RBL1: variants seen among roughly 807,000 people sequenced by gnomAD.
RBL1 encodes RB transcriptional corepressor like 1.
A neutral mutation model predicts 123.0 loss-of-function variants in RBL1; 82 were observed. The observed-to-expected ratio is 0.67, with a 90% confidence interval of 0.56 to 0.80. The LOEUF is 0.80. Among genes scored for constraint, RBL1 ranks in the 30% least tolerant of loss-of-function variants. RBL1 has a pLI of 0.00. For synonymous variants in RBL1, 405 were observed against 441.3 expected (o/e 0.92, Z 1.03); for missense variants, 1,171 against 1,299.6 (o/e 0.90, Z 1.52).
chr20:37,010,798 A>G (rs1248847990), intron 19 of RBL1, among the ~76,000 whole-genome samples: 2 of 152,126 alleles, frequency 1.3e-5, no homozygotes, highest in Non-Finnish European at 1.5e-5. Flanking sequence ...GTCCACACAT[A>G]CATACATATA....
Position 37,011,954 on chromosome 20 carries a change from T to A in RBL1, c.2723-4395A>T, listed in dbSNP as rs375909437. ...GAAGCTGGACTGTACTGCTGCCATC[T>A]CGGCTCACTGCAACCTCCCTGCCTC... On this transcript the variant is annotated intron_variant, in intron 19 of 21. Transcript: ENST00000373664. Among the ~76,000 whole-genome samples the A allele has an allele frequency of 3.2e-3, 491 of 152,332 alleles. 7 individuals are homozygous for A. The highest frequency in any genetic ancestry group is 0.011 in the African/African-American group (477 of 41,590).
chr20:37,047,642 T>C (rs2064837805), intron 11 of RBL1, among the ~76,000 whole-genome samples: 1 of 152,158 alleles, frequency 6.6e-6, no homozygotes, highest in Non-Finnish European at 1.5e-5. Context: ...AATATAAGTT[T>C]TCAGTTTTAA....
rs940636194 is a variant in RBL1 at position 37,036,774 on chromosome 20, C to T, written c.1904-1266G>A. Among the ~76,000 whole-genome samples the T allele has an allele frequency of 4.0e-5, 6 of 151,208 alleles. No individual in the cohort carries two copies. The South Asian group carries it at 6.3e-4, about 16-fold the overall frequency. ...CTGAGTAGCTGGAACTACAGGCAAC[C>T]GCCACCATGCCCGGCTAATTTTTTG... is the stretch of plus-strand genomic sequence containing the variant. On this transcript the variant is annotated intron_variant, in intron 14 of 21. Coordinates refer to ENST00000373664, the MANE Select transcript of RBL1 (RefSeq NM_002895.5).
chr20:37,065,862 C>T (rs1419284842), intron 6 of RBL1, among the ~76,000 whole-genome samples: 1 of 152,158 alleles, frequency 6.6e-6, no homozygotes, highest in African/African-American at 2.4e-5. Context: ...AATCCACCTG[C>T]CTTGGCCTCC....
rs372680007 is a variant in RBL1, at chr20:37,039,275, T to C, written c.1903+878A>G. On this transcript the variant is annotated intron_variant, in intron 14 of 21. Coordinates refer to ENST00000373664, the MANE Select transcript of RBL1 (RefSeq NM_002895.5). ...TACAAATTTTATTTTGCTTTAAATG[T>C]TTTTCTACAGAGACATACACAGGCA... Among the ~76,000 whole-genome samples, 16 of 152,138 alleles carry C rather than the reference T, an allele frequency of 1.1e-4. No homozygotes were observed. The East Asian group carries it at 1.7e-3, about 17-fold the overall frequency.
In RBL1 at chr20:37,032,867, T is replaced by C. The variant is rs1291735852; in HGVS notation, c.2180A>G (p.Asn727Ser). The C allele has an allele frequency of 1.2e-6, 2 of 1,613,748 alleles. No homozygotes were observed. The highest frequency in any genetic ancestry group is 2.2e-5 in the East Asian group (1 of 44,852). The change falls in exon 16 of 22, where the codon AAT becomes AGT. Residue 727 changes from asparagine (N) to serine (S), a missense_variant. Physicochemically the swap from Asn to Ser is conservative, Grantham distance 46. Coordinates refer to ENST00000373664, the MANE Select transcript of RBL1 (RefSeq NM_002895.5). ...KVTIPLHGVA[N>S]DAGEITLIPL... Reference sequence around the variant, plus strand: ...TATCAGTGTGATCTCTCCAGCATCATTTGCGACACCTGAATGTATAAGCAT... The same window carrying C: ...TATCAGTGTGATCTCTCCAGCATCACTTGCGACACCTGAATGTATAAGCAT...
chr20:37,081,580 C>A (rs1261625476), intron 2 of RBL1, among the ~76,000 whole-genome samples: 1 of 151,988 alleles, frequency 6.6e-6, no homozygotes, highest in Non-Finnish European at 1.5e-5. Context: ...ACAGCTTGAC[C>A]CCCCCAAGTT....
intron 14 of RBL1, among the ~76,000 whole-genome samples, chr20:37,039,383 T>A (rs1248376665): frequency 6.6e-6 from 1 of 152,168 alleles, no homozygotes; most frequent in African/African-American, 2.4e-5. Context: ...CACCCAAATC[T>A]CATCTTGACT....
At position 37,003,590 on chromosome 20, in the gene RBL1, T is replaced by C. The variant is rs139334271; in HGVS notation, c.3036+112A>G. 178 of 1,363,044 alleles carry C rather than the reference T, an allele frequency of 1.3e-4. No individual in the cohort carries two copies. In the African/African-American group the frequency reaches 2.3e-3, roughly 18 times the overall value. 84.4% of individuals were successfully genotyped at this position (1,363,044 alleles called of 1,614,324 possible). ...GAGACATGCCATAGTTAACATTTCA[T>C]ATTTTATTAGTATAGTAGTAACTTG... On this transcript the variant is annotated intron_variant, in intron 21 of 21. Coordinates refer to ENST00000373664, the MANE Select transcript of RBL1 (RefSeq NM_002895.5).
At chr20:37,013,074 C>T (rs1299378154) in intron 19 of RBL1, among the ~76,000 whole-genome samples, 3 of 152,218 alleles carry the variant, frequency 2.0e-5, no homozygotes, top group African/African-American at 4.8e-5. Context: ...GCCACCACCC[C>T]GTCTGGGAGG....
intron 1 of RBL1, among the ~76,000 whole-genome samples, chr20:37,094,204 G>C (rs1226971593): frequency 6.6e-6 from 1 of 152,204 alleles, no homozygotes; most frequent in African/African-American, 2.4e-5. Context: ...TTCAATGACA[G>C]ATGGTGTGAC....
At chr20:37,059,584 T>A (rs1255890917) in intron 9 of RBL1, among the ~76,000 whole-genome samples, 1 of 152,172 alleles carries the variant, frequency 6.6e-6, no homozygotes, top group Non-Finnish European at 1.5e-5. Context: ...TCCCTCCAAA[T>A]CTGAAGTATT....
At chr20:37,014,727 G>C (rs1487334354) in intron 19 of RBL1, among the ~76,000 whole-genome samples, 2 of 151,736 alleles carry the variant, frequency 1.3e-5, no homozygotes, top group Admixed American at 6.6e-5. Context: ...CTGTGCCACT[G>C]TACTCCAGCC....
chr20:37,030,024 T>C (rs1241260750), intron 16 of RBL1, among the ~76,000 whole-genome samples: 3 of 152,196 alleles, frequency 2.0e-5, no homozygotes, highest in Admixed American at 1.3e-4. Flanking sequence ...CAATGCGATC[T>C]CCATATTCAA....
chr20:37,093,220 T>C (rs1354048243), intron 1 of RBL1, among the ~76,000 whole-genome samples: 1 of 152,108 alleles, frequency 6.6e-6, no homozygotes, highest in African/African-American at 2.4e-5. Flanking sequence ...GAAAGACTTC[T>C]TAGGAAGCAT....
intron 2 of RBL1, among the ~76,000 whole-genome samples, chr20:37,078,044 T>A (rs993392821): frequency 4.6e-5 from 7 of 152,158 alleles, no homozygotes; most frequent in Non-Finnish European, 8.8e-5. Flanking sequence ...TAGAAGACAA[T>A]TGGTCAGTTA....
intron 7 of RBL1, among the ~76,000 whole-genome samples, chr20:37,063,346 T>A (rs2146297430): frequency 6.6e-6 from 1 of 151,920 alleles, no homozygotes; most frequent in Middle Eastern, 3.4e-3. Flanking sequence ...CTTGGCTGAG[T>A]AGCTCTTTTA....
At chr20:37,049,862 A>C (rs2064878019) in intron 11 of RBL1, among the ~76,000 whole-genome samples, 1 of 152,098 alleles carries the variant, frequency 6.6e-6, no homozygotes, top group Non-Finnish European at 1.5e-5. Flanking sequence ...CAGGAGTTGG[A>C]GACCAGCCTG....
chr20:37,083,195 C>T (rs1294416838), intron 2 of RBL1, among the ~76,000 whole-genome samples: 5 of 151,496 alleles, frequency 3.3e-5, no homozygotes, highest in East Asian at 3.9e-4. Flanking sequence ...AGGCTGGGCG[C>T]GGTGGCTCAT....
Sources: allele counts gnomAD v4.1 joint callset (sites outside exome capture counted in the v4.1 genomes callset), GRCh38; gene constraint gnomAD v4.1.1; transcripts MANE v1.5; gene names NCBI Gene and HGNC (gene_info 2026-07-23, HGNC 2026-07-21).